MAPRE2: variants seen among roughly 807,000 people sequenced by gnomAD.
The protein encoded by MAPRE2 is microtubule-associated protein RP/EB family member 2.
MAPRE2 carries 13 observed loss-of-function variants against 43.2 expected under a neutral mutation model. The ratio of observed to expected loss-of-function variants is 0.30; its 90% CI spans 0.20 to 0.48. MAPRE2 has a LOEUF of 0.48. Ranked by LOEUF, MAPRE2 falls within the 20% of genes least tolerant of loss-of-function variation. The pLI, the probability that MAPRE2 is intolerant of heterozygous loss-of-function variation, is 0.99. For synonymous variants in MAPRE2, 135 were observed against 148.8 expected (o/e 0.91, Z 0.68); for missense variants, 161 against 400.2 (o/e 0.40, Z 5.10).
chr18:35,082,333 G>A (rs1397580225), intron 2 of MAPRE2: 2 of 148,328 alleles, frequency 1.3e-5, no homozygotes, highest in South Asian at 2.2e-4. Flanking sequence ...CTGAAAATTA[G>A]AACTTAAAAA....
chr18:35,103,983 A>T (rs1380072664), intron 4 of MAPRE2, among the ~76,000 whole-genome samples: 1 of 152,194 alleles, frequency 6.6e-6, no homozygotes, highest in African/African-American at 2.4e-5. Flanking sequence ...TATAGAATAA[A>T]GAAAACTAAG....
intron 6 of MAPRE2, among the ~76,000 whole-genome samples, chr18:35,135,264 G>A (rs1910334381): frequency 6.6e-6 from 1 of 152,136 alleles, no homozygotes; most frequent in Admixed American, 6.5e-5. Context: ...TTTAAACCTT[G>A]GTTTTTATGC....
intron 1 of MAPRE2, among the ~76,000 whole-genome samples, chr18:35,002,294 A>G (rs2097029746): frequency 6.6e-6 from 1 of 152,194 alleles, no homozygotes; most frequent in African/African-American, 2.4e-5. Context: ...ATTGCTGGGT[A>G]GTATTCTGAA....
At chr18:35,045,013 A>C (rs780073356) in intron 1 of MAPRE2, among the ~76,000 whole-genome samples, 1 of 152,176 alleles carries the variant, frequency 6.6e-6, no homozygotes, top group Non-Finnish European at 1.5e-5. Context: ...TTAGAAAATT[A>C]CCCCTGGATT....
At chr18:35,005,006 G>T (rs956502664) in intron 1 of MAPRE2, among the ~76,000 whole-genome samples, 4 of 151,770 alleles carry the variant, frequency 2.6e-5, no homozygotes, top group Non-Finnish European at 4.4e-5. Context: ...TGCTTATCCT[G>T]TTGAAATTAA....
upstream of MAPRE2, chr18:35,041,403 C>T: frequency 6.6e-7 from 1 of 1,522,062 alleles, no homozygotes; most frequent in Middle Eastern, 1.8e-4. Flanking sequence ...GGGGCGCGAG[C>T]GAGAGCTGGG....
intron 1 of MAPRE2, among the ~76,000 whole-genome samples, chr18:35,062,551 A>C (rs961035784): frequency 6.6e-6 from 1 of 152,242 alleles, no homozygotes; most frequent in Non-Finnish European, 1.5e-5. Flanking sequence ...ACCTTTAACC[A>C]GGAACAACTC....
intron 1 of MAPRE2, among the ~76,000 whole-genome samples, chr18:35,042,711 T>C (rs1175456805): frequency 6.6e-6 from 1 of 152,174 alleles, no homozygotes; most frequent in Non-Finnish European, 1.5e-5. Flanking sequence ...GCTTTTGCTT[T>C]GAGGCAGAGC....
At chr18:35,051,736 G>A (rs541972549) in intron 1 of MAPRE2, among the ~76,000 whole-genome samples, 1 of 152,256 alleles carries the variant, frequency 6.6e-6, no homozygotes, top group South Asian at 2.1e-4. Flanking sequence ...CCTTTCTAGG[G>A]CAACATTTTT....
At chr18:35,130,721 G>C (rs80136784) in intron 5 of MAPRE2, among the ~76,000 whole-genome samples, 1 of 152,128 alleles carries the variant, frequency 6.6e-6, no homozygotes. Context: ...AAAAATAAAC[G>C]AAGGGTTTAA....
chr18:34,985,721 T>C (rs944058025), intron 1 of MAPRE2, among the ~76,000 whole-genome samples: 8 of 126,700 alleles, frequency 6.3e-5, no homozygotes, highest in African/African-American at 2.3e-4. Flanking sequence ...TATCATATAA[T>C]ATGTAATATA....
chr18:35,031,220 C>T (rs1166034898), intron 2 of MAPRE2, among the ~76,000 whole-genome samples: 2 of 152,206 alleles, frequency 1.3e-5, no homozygotes, highest in Non-Finnish European at 2.9e-5. Context: ...CTACAAATTT[C>T]TGCATCTCTG....
At chr18:35,045,348 T>C (rs1193421457) in intron 1 of MAPRE2, among the ~76,000 whole-genome samples, 2 of 152,194 alleles carry the variant, frequency 1.3e-5, no homozygotes, top group South Asian at 4.1e-4. Flanking sequence ...GTTTGTATAC[T>C]CCAGGCTTTT....
At chr18:34,980,272 G>A (rs905494567) in intron 1 of MAPRE2, among the ~76,000 whole-genome samples, 13 of 152,014 alleles carry the variant, frequency 8.6e-5, no homozygotes, top group East Asian at 3.9e-4. Flanking sequence ...TGATCCACCC[G>A]CCTCGGCCTC....
upstream of MAPRE2, among the ~76,000 whole-genome samples, chr18:35,038,472 C>G (rs1318607003): frequency 1.3e-5 from 2 of 152,168 alleles, no homozygotes; most frequent in Admixed American, 6.5e-5. Flanking sequence ...GGAAATGATG[C>G]AAAAGGAAGT....
At chr18:35,086,404 T>G (rs2144140421) in intron 2 of MAPRE2, among the ~76,000 whole-genome samples, 1 of 152,058 alleles carries the variant, frequency 6.6e-6, no homozygotes, top group African/African-American at 2.4e-5. Flanking sequence ...AGTGTATATA[T>G]ACTGAAATGG....
chr18:35,123,471 G>A (rs1182093519), intron 4 of MAPRE2, among the ~76,000 whole-genome samples: 1 of 152,178 alleles, frequency 6.6e-6, no homozygotes, highest in Non-Finnish European at 1.5e-5. Context: ...GCAAGGCTGT[G>A]TCCCTCAGGA....
chr18:35,045,147 A>T (rs1356151429), intron 1 of MAPRE2, among the ~76,000 whole-genome samples: 1 of 152,202 alleles, frequency 6.6e-6, no homozygotes, highest in Non-Finnish European at 1.5e-5. Flanking sequence ...AATGCTAGAA[A>T]TCTATGTATT....
At chr18:35,113,118 G>A (rs1395650378) in intron 4 of MAPRE2, among the ~76,000 whole-genome samples, 1 of 152,104 alleles carries the variant, frequency 6.6e-6, no homozygotes, top group Non-Finnish European at 1.5e-5. Context: ...ATCTGGGGGG[G>A]AACACAAACA....
Sources: gnomAD v4.1 joint callset for allele counts (sites outside exome capture counted in the v4.1 genomes callset) on GRCh38, gnomAD v4.1.1 for gene constraint, MANE v1.5 for transcripts, NCBI Gene and HGNC (gene_info 2026-07-23, HGNC 2026-07-21) for gene names.